ARAP2: variants seen among roughly 807,000 people sequenced by gnomAD.
The protein encoded by ARAP2 is ArfGAP with RhoGAP domain, ankyrin repeat and PH domain 2.
ARAP2 carries 148 observed loss-of-function variants against 194.5 expected under a neutral mutation model. The ratio of observed to expected loss-of-function variants is 0.76; its 90% CI spans 0.67 to 0.87. ARAP2 has a LOEUF of 0.87. ARAP2 is among the 40% of genes least tolerant of loss of function. The pLI is 0.00. For missense variants in ARAP2, 2,128 were observed against 1,989.7 expected (o/e 1.07, Z -1.32); for synonymous variants, 695 against 683.5 (o/e 1.02, Z -0.26).
intron 9 of ARAP2, among the ~76,000 whole-genome samples, chr4:36,009,330 AT>A (rs1428992648): frequency 6.6e-6 from 1 of 152,204 alleles, no homozygotes; most frequent in African/African-American, 2.4e-5. Context: ...AATGTGGTAC[AT>A]ATGCACCATG....
intron 20 of ARAP2, among the ~76,000 whole-genome samples, chr4:36,132,847 T>A (rs190183039): frequency 6.6e-6 from 1 of 151,794 alleles, no homozygotes; most frequent in African/African-American, 2.4e-5. Flanking sequence ...AAAACATGCT[T>A]AGATGTGTTG....
chr4:36,026,941 A>G (rs778764846), intron 5 of ARAP2, among the ~76,000 whole-genome samples: 6 of 152,258 alleles, frequency 3.9e-5, no homozygotes, highest in Non-Finnish European at 8.8e-5. Flanking sequence ...ATGCGGCCAT[A>G]GCAGTTTTCT....
chr4:36,193,978 G>A (rs1742523317), intron 6 of ARAP2, among the ~76,000 whole-genome samples: 1 of 152,108 alleles, frequency 6.6e-6, no homozygotes, highest in Admixed American at 6.5e-5. Flanking sequence ...CTTCCACGAA[G>A]ATAATATAAG....
intron 21 of ARAP2, among the ~76,000 whole-genome samples, chr4:36,128,178 G>T (rs1220627260): frequency 6.6e-6 from 1 of 151,946 alleles, no homozygotes; most frequent in Non-Finnish European, 1.5e-5. Flanking sequence ...AATGTATCCT[G>T]TAGTAAATGC....
At chr4:36,155,484 G>C (rs1420289252) in intron 15 of ARAP2, among the ~76,000 whole-genome samples, 1 of 152,004 alleles carries the variant, frequency 6.6e-6, no homozygotes, top group South Asian at 2.1e-4. Flanking sequence ...AGGTGAAAAG[G>C]TCCAGAAGAG....
At chr4:36,156,307 G>GGAAA (rs1732288905) in intron 15 of ARAP2, among the ~76,000 whole-genome samples, 1 of 129,480 alleles carries the variant, frequency 7.7e-6, no homozygotes, top group Non-Finnish European at 1.6e-5. Flanking sequence ...AAGGAAAGAA[G>GGAAA]GAAGGAAGGA....
At chr4:36,179,937 T>G (rs1187050007) in intron 8 of ARAP2, among the ~76,000 whole-genome samples, 4 of 152,208 alleles carry the variant, frequency 2.6e-5, no homozygotes, top group Non-Finnish European at 2.9e-5. Flanking sequence ...AAAAACTCAT[T>G]CGATAGTGCT....
At chr4:36,226,931 T>A (rs866454887) in intron 2 of ARAP2, among the ~76,000 whole-genome samples, 5 of 152,354 alleles carry the variant, frequency 3.3e-5, no homozygotes, top group Middle Eastern at 6.8e-3. Flanking sequence ...GTCAAAAGCA[T>A]CTGCCATCTG....
intron 1 of ARAP2, among the ~76,000 whole-genome samples, chr4:36,235,567 C>G (rs55941533): frequency 2.6e-5 from 4 of 152,156 alleles, no homozygotes; most frequent in Non-Finnish European, 5.9e-5. Context: ...TCTGTCTCCA[C>G]GGCTTCTACT....
rs138100899 is a variant in ARAP2 at position 36,134,521 on chromosome 4, C to A, written c.3264-1132G>T. 1.1e-4 allele frequency among the ~76,000 whole-genome samples: 17 copies of A among 151,724 alleles called. No individual in the cohort carries two copies. In the East Asian group the frequency reaches 3.3e-3, roughly 30 times the overall value. On this transcript the variant is annotated intron_variant, in intron 19 of 32. Transcript: ENST00000303965. ...ACTACAGCCCCTCCTTACAGAATTC[C>A]TTTCCCAATTCTCAACCCCTGTAAT...
intron 31 of ARAP2, among the ~76,000 whole-genome samples, chr4:36,077,836 A>T (rs901322721): frequency 6.6e-6 from 1 of 152,184 alleles, no homozygotes; most frequent in South Asian, 2.1e-4. Context: ...TTTATAGAAT[A>T]AAACAAGACA....
chr4:36,073,298 G>A (rs2109317237), intron 32 of ARAP2, among the ~76,000 whole-genome samples: 1 of 152,234 alleles, frequency 6.6e-6, no homozygotes, highest in Middle Eastern at 3.4e-3. Context: ...GCACTGGAAT[G>A]TGATTATATT....
At chr4:36,065,459 T>A, downstream of ARAP2, 1 of 374,092 alleles carries the variant, frequency 2.7e-6, no homozygotes. Context: ...ATTCACTATG[T>A]GGCCTTTGAT....
intron 5 of ARAP2, among the ~76,000 whole-genome samples, chr4:36,039,439 G>A (rs1439999357): frequency 6.6e-6 from 1 of 152,164 alleles, no homozygotes; most frequent in Non-Finnish European, 1.5e-5. Flanking sequence ...TCCTGCTTAA[G>A]CCTTCCTTTT....
intron 30 of ARAP2, 98 bp from the exon 31 acceptor site, chr4:36,080,377 C>G: frequency 1.1e-6 from 1 of 947,424 alleles, no homozygotes; most frequent in Non-Finnish European, 1.7e-6. Context: ...ATCTCTGGGT[C>G]TCTCCTGATT....
chr4:36,187,903 G>A (rs1043632395), intron 7 of ARAP2, among the ~76,000 whole-genome samples: 1 of 152,176 alleles, frequency 6.6e-6, no homozygotes, highest in African/African-American at 2.4e-5. Context: ...TGCTCAAAAT[G>A]ATTTTATGGT....
At chr4:36,153,268 G>A (rs772606799) in intron 15 of ARAP2, among the ~76,000 whole-genome samples, 5 of 152,118 alleles carry the variant, frequency 3.3e-5, no homozygotes, top group Non-Finnish European at 7.4e-5. Flanking sequence ...AGCTGTGACA[G>A]GAAATCGTGA....
rs1282009567 is a variant in ARAP2 at position 36,066,707 on chromosome 4, A to G, written c.*1200T>C. On this transcript the variant is annotated 3_prime_UTR_variant, in exon 33 of 33. Transcript: ENST00000303965. ...GCATTGTCTGTCAGGAAATTCACCA[A>G]TTCAGTAGCTGATCTTTATGTGGAA... 1 of 152,164 alleles carries G rather than the reference A, an allele frequency of 6.6e-6. No individual in the cohort carries two copies. Among genetic ancestry groups the G allele is most frequent in the African/African-American group, 2.4e-5 (1 of 41,452 alleles). The allele number at this position is 152,164 out of a possible 1,614,324, so 9.4% of individuals were successfully genotyped here.
At position 36,109,542 on chromosome 4, in the gene ARAP2, C is replaced by A. The variant is rs149583293; in HGVS notation, c.4157-1849G>T. Among the ~76,000 whole-genome samples, 8 of 151,924 alleles carry A rather than the reference C, an allele frequency of 5.3e-5. No homozygotes were observed. The East Asian group carries it at 1.4e-3, about 26-fold the overall frequency. ...TTTGTGCTATGTCAATATTACTTTT[C>A]TTCAAATAATTTTCTAAAAGATTGG... is the stretch of plus-strand genomic sequence containing the variant. On this transcript the variant is annotated intron_variant, in intron 26 of 32. Transcript: ENST00000303965.
Sources: allele counts gnomAD v4.1 joint callset (sites outside exome capture counted in the v4.1 genomes callset), GRCh38; gene constraint gnomAD v4.1.1; transcripts MANE v1.5; gene names NCBI Gene and HGNC (gene_info 2026-07-23, HGNC 2026-07-21).